The following MGLL variants were observed in gnomAD, a reference collection of about 807,000 sequenced individuals.
MGLL encodes lysophospholipase homolog.
Under a neutral mutation model 29.1 loss-of-function variants are expected in MGLL, and 7 were observed. The ratio of observed to expected loss-of-function variants is 0.24; its 90% CI spans 0.14 to 0.45. The LOEUF is 0.45. Among genes scored for constraint, MGLL ranks in the 20% least tolerant of loss-of-function variants. MGLL has a pLI of 0.99. For synonymous variants in MGLL, 148 were observed against 168.3 expected (o/e 0.88, Z 0.93); for missense variants, 356 against 413.6 (o/e 0.86, Z 1.21).
chr3:127,756,721 T>C (rs2076671545), intron 3 of MGLL, among the ~76,000 whole-genome samples: 1 of 152,242 alleles, frequency 6.6e-6, no homozygotes, highest in African/African-American at 2.4e-5. Flanking sequence ...ACCTTTTTCT[T>C]GTGTAATTGA....
chr3:127,727,174 C>T (rs936312913), intron 3 of MGLL, among the ~76,000 whole-genome samples: 15 of 152,254 alleles, frequency 9.9e-5, no homozygotes, highest in Admixed American at 6.5e-4. Context: ...CACAAATGTA[C>T]TAGGCTCACC....
At chr3:127,766,435 C>T (rs1259550949) in intron 3 of MGLL, among the ~76,000 whole-genome samples, 2 of 152,208 alleles carry the variant, frequency 1.3e-5, no homozygotes, top group Admixed American at 6.5e-5. Flanking sequence ...AGAAAATACT[C>T]GTAGTGCCCC....
chr3:127,786,942 A>T lies in MGLL; in HGVS notation c.156-5047T>A, dbSNP rs1242350609. On this transcript the variant is annotated intron_variant, in intron 2 of 7. Coordinates refer to ENST00000265052, the MANE Select transcript of MGLL (RefSeq NM_007283.7). The stretch of plus-strand genomic sequence containing the variant: ...TGGGGTAAAGCTCTGGCCCTCCCAC[A>T]AGCTGCTTCCTAGACCTCTGTGGGC... 2.0e-5 allele frequency among the ~76,000 whole-genome samples: 3 copies of T among 152,178 alleles called. No homozygotes were observed. In the East Asian group the frequency reaches 5.8e-4, roughly 29 times the overall value.
chr3:127,801,335 G>T (rs931810968), intron 2 of MGLL, among the ~76,000 whole-genome samples: 2 of 136,628 alleles, frequency 1.5e-5, no homozygotes, highest in African/African-American at 5.5e-5. Context: ...TGGGGGTAAC[G>T]GCCAGGCGCG....
At chr3:127,780,405 A>G (rs1160389608) in intron 3 of MGLL, among the ~76,000 whole-genome samples, 1 of 152,236 alleles carries the variant, frequency 6.6e-6, no homozygotes, top group Non-Finnish European at 1.5e-5. Flanking sequence ...AAAAATTCCT[A>G]TCTGAGGCTT....
intron 3 of MGLL, among the ~76,000 whole-genome samples, chr3:127,758,171 C>T (rs2076697881): frequency 6.6e-6 from 1 of 152,170 alleles, no homozygotes; most frequent in African/African-American, 2.4e-5. Flanking sequence ...CTCCTCCTTG[C>T]CTCCTTTGGG....
chr3:127,721,231 G>A (rs1483946653), intron 4 of MGLL, 68 bp from the exon 5 acceptor site: 2 of 1,352,758 alleles, frequency 1.5e-6, no homozygotes, highest in Admixed American at 1.8e-5. Flanking sequence ...TAATAAACAT[G>A]ACCAATGCAG....
chr3:127,720,552 G>A (rs181633036), intron 5 of MGLL, among the ~76,000 whole-genome samples: 1 of 152,260 alleles, frequency 6.6e-6, no homozygotes, highest in East Asian at 1.9e-4. Context: ...CATTCCTATG[G>A]GTCATTCCAA....
chr3:127,799,971 T>C (rs1018987686), intron 2 of MGLL, among the ~76,000 whole-genome samples: 1 of 152,240 alleles, frequency 6.6e-6, no homozygotes, highest in Admixed American at 6.5e-5. Flanking sequence ...ATAGAGACCA[T>C]ATTTCCCAGA....
At position 127,748,429 on chromosome 3, in the gene MGLL, G is replaced by GGAGA. The variant is rs368580991; in HGVS notation, c.263-25867_263-25864dup. 5.6e-3 allele frequency among the ~76,000 whole-genome samples: 631 copies of GGAGA among 113,086 alleles called. 2 individuals carry two copies. The highest frequency in any genetic ancestry group is 9.9e-3 in the Non-Finnish European group (475 of 48,040). The allele number at this position is 113,086 out of a possible 152,430, so 74.2% of individuals were successfully genotyped here. A position where few individuals can be genotyped will look rare whatever the true frequency, so the allele number is the denominator to read the frequency against. ...GAGAAAGAGAGAGAGAGAGAGAGAG[G>GGAGA]GAGAGAGAGAGAGAGAGAGATATTC... On this transcript the variant is annotated intron_variant, in intron 3 of 7. Coordinates refer to ENST00000265052, the MANE Select transcript of MGLL (RefSeq NM_007283.7).
chr3:127,736,839 C>T (rs1034250338), intron 3 of MGLL, among the ~76,000 whole-genome samples: 3 of 152,140 alleles, frequency 2.0e-5, no homozygotes, highest in Non-Finnish European at 2.9e-5. Context: ...GGACCACAAG[C>T]GCATGTCACC....
intron 3 of MGLL, among the ~76,000 whole-genome samples, chr3:127,757,235 C>T (rs1032495880): frequency 6.6e-6 from 1 of 152,200 alleles, no homozygotes; most frequent in Non-Finnish European, 1.5e-5. Context: ...CAGCCAAGCC[C>T]AGCCTAAAAC....
intron 3 of MGLL, among the ~76,000 whole-genome samples, chr3:127,741,616 G>T (rs887853555): frequency 2.6e-5 from 4 of 152,234 alleles, no homozygotes; most frequent in African/African-American, 9.6e-5. Flanking sequence ...AACAGCCAGG[G>T]AGTGTAATTT....
intron 5 of MGLL, 91 bp from the exon 6 acceptor site, chr3:127,710,756 GTGATGCCCAAAC>G: frequency 1.7e-6 from 2 of 1,167,682 alleles, no homozygotes. Context: ...ATTAAGGAGA[GTGATGCCCAAAC>G]TGAACATCAG....
intron 3 of MGLL, among the ~76,000 whole-genome samples, chr3:127,776,038 T>G (rs2077030886): frequency 1.3e-5 from 2 of 152,196 alleles, no homozygotes; most frequent in Admixed American, 1.3e-4. Context: ...TTTAGAATGT[T>G]GCGGAAAATC....
chr3:127,701,108 C>CT lies in MGLL; in HGVS notation c.601-5919_601-5918insA, dbSNP rs2075471814. On this transcript the variant is annotated intron_variant, in intron 6 of 7. Transcript: ENST00000265052. ...TGCACACCTGTAGTCCCAGCTACTG[C>CT]GGGGGCTGAGGTGGGAGGATTGCTT... 4.1e-5 allele frequency among the ~76,000 whole-genome samples: 6 copies of CT among 146,538 alleles called. No homozygotes were observed. In the Admixed American group the frequency reaches 4.2e-4, roughly 10 times the overall value.
chr3:127,774,899 C>T (rs1180017153), intron 3 of MGLL, among the ~76,000 whole-genome samples: 1 of 152,168 alleles, frequency 6.6e-6, no homozygotes, highest in South Asian at 2.1e-4. Flanking sequence ...CACAGAGCAA[C>T]CTTGTTATTA....
chr3:127,717,172 G>A (rs1194462441), intron 5 of MGLL, among the ~76,000 whole-genome samples: 1 of 152,186 alleles, frequency 6.6e-6, no homozygotes, highest in African/African-American at 2.4e-5. Flanking sequence ...CCGGGATCCT[G>A]GGTCCAAATT....
intron 3 of MGLL, among the ~76,000 whole-genome samples, chr3:127,752,623 T>C (rs2076580566): frequency 6.6e-6 from 1 of 152,152 alleles, no homozygotes; most frequent in South Asian, 2.1e-4. Context: ...TATTTCTCTG[T>C]ACATATGCGG....
Sources: gnomAD v4.1 joint callset for allele counts (sites outside exome capture counted in the v4.1 genomes callset) on GRCh38, gnomAD v4.1.1 for gene constraint, MANE v1.5 for transcripts, NCBI Gene and HGNC (gene_info 2026-07-23, HGNC 2026-07-21) for gene names.